The following RNF32 variants were observed in gnomAD, a reference collection of about 807,000 sequenced individuals.
RNF32 encodes ring finger protein 32.
RNF32 carries 36 observed loss-of-function variants against 41.0 expected under a neutral mutation model. The observed-to-expected ratio is 0.88, with a 90% CI of 0.67 to 1.16. The LOEUF (loss-of-function observed/expected upper bound fraction) is 1.16. RNF32 is among the 50% of genes most tolerant of loss of function. The pLI is 0.00. For synonymous variants in RNF32, 154 were observed against 160.9 expected (o/e 0.96, Z 0.32); for missense variants, 413 against 436.7 (o/e 0.95, Z 0.48).
chr7:156,672,295 G>A (rs924925494), intron 7 of RNF32, among the ~76,000 whole-genome samples: 3 of 152,110 alleles, frequency 2.0e-5, no homozygotes, highest in Middle Eastern at 3.2e-3. Context: ...AGGGTGTGAC[G>A]ACGACAGGTG....
chr7:156,667,866 A>C (rs149645435), intron 7 of RNF32, among the ~76,000 whole-genome samples: 2,604 of 152,276 alleles, frequency 0.017, 72 homozygotes, highest in African/African-American at 0.06. Flanking sequence ...AAGGACTTTC[A>C]GTATATTTAT....
Position 156,649,495 on chromosome 7 carries a change from C to T in RNF32, c.274+4738C>T, listed in dbSNP as rs1267814047. Among the ~76,000 whole-genome samples, 5 of 152,138 alleles carry T rather than the reference C, an allele frequency of 3.3e-5. No individual in the cohort carries two copies. The East Asian group carries it at 5.8e-4, about 18-fold the overall frequency. ...ATTTCTGTCTCGTTCCTTAGCCTAA[C>T]ACGTTTCATTTACTTACTTATGTGA... On this transcript the variant is annotated intron_variant, in intron 3 of 8. Transcript: ENST00000317955.
At chr7:156,666,869 T>C (rs1211058570) in intron 7 of RNF32, among the ~76,000 whole-genome samples, 46 of 152,190 alleles carry the variant, frequency 3.0e-4, no homozygotes, top group Admixed American at 3.0e-3. Flanking sequence ...CTTTTATTGC[T>C]GCAATTAAAA....
chr7:156,645,326 C>T (rs561756275), intron 3 of RNF32, among the ~76,000 whole-genome samples: 5 of 152,284 alleles, frequency 3.3e-5, no homozygotes, highest in South Asian at 2.1e-4. Flanking sequence ...CAGTAACGCA[C>T]GGGCCAGCAT....
intron 6 of RNF32, 35 bp from the exon 7 acceptor site, chr7:156,658,427 C>A: frequency 1.3e-6 from 2 of 1,560,542 alleles, no homozygotes; most frequent in South Asian, 1.1e-5. Flanking sequence ...ATAGAGTCAT[C>A]ATAAATTAGT....
At chr7:156,667,402 A>G (rs1801502170) in intron 7 of RNF32, among the ~76,000 whole-genome samples, 1 of 152,236 alleles carries the variant, frequency 6.6e-6, no homozygotes. Flanking sequence ...TTACATATCA[A>G]TAACTCAAAC....
At chr7:156,656,206 G>A (rs996412966) in intron 4 of RNF32, among the ~76,000 whole-genome samples, 7 of 152,190 alleles carry the variant, frequency 4.6e-5, no homozygotes, top group Admixed American at 2.6e-4. Flanking sequence ...ATAGTAGGCC[G>A]ACGCAGAAAG....
At chr7:156,658,706 T>C in intron 7 of RNF32, 136 bp downstream of exon 7, 1 of 760,978 alleles carries the variant, frequency 1.3e-6, no homozygotes, top group Non-Finnish European at 2.2e-6. Flanking sequence ...GGTGAGATGC[T>C]GCTAAAAATC....
chr7:156,646,649 A>G lies in RNF32; in HGVS notation c.274+1892A>G, dbSNP rs1798002539. On this transcript the variant is annotated intron_variant, in intron 3 of 8. Transcript: ENST00000317955. The stretch of plus-strand genomic sequence containing the variant: ...AGAACTTCCATTTAGATTAGGCATC[A>G]ATGAGAACGGAATCCTTCACTTACA... The G allele has an allele frequency of 6.5e-6, 3 of 461,396 alleles. No homozygotes were observed. The East Asian group carries it at 2.2e-4, about 34-fold the overall frequency. 28.6% of individuals were successfully genotyped at this position (461,396 alleles called of 1,614,324 possible).
At chr7:156,665,674 ACTCT>A (rs1175850307) in intron 7 of RNF32, among the ~76,000 whole-genome samples, 3 of 151,852 alleles carry the variant, frequency 2.0e-5, no homozygotes, top group Non-Finnish European at 4.4e-5. Flanking sequence ...AGCTCCCCTG[ACTCT>A]CTGTCAGTGG....
chr7:156,658,612 C>A, intron 7 of RNF32, 42 bp downstream of exon 7: 1 of 1,335,068 alleles, frequency 7.5e-7, no homozygotes, highest in Non-Finnish European at 1.1e-6. Flanking sequence ...GGTCTCCGTG[C>A]GGGTGGTTCA....
chr7:156,648,079 A>T (rs1445706815), intron 3 of RNF32, among the ~76,000 whole-genome samples: 1 of 150,024 alleles, frequency 6.7e-6, no homozygotes, highest in Non-Finnish European at 1.5e-5. Context: ...GGTTCTGGAT[A>T]CTAGTCCTTT....
rs1250607006 is a variant in RNF32 at position 156,658,294 on chromosome 7, C to T, written c.575+42C>T. On this transcript the variant is annotated intron_variant, in intron 6 of 8. Transcript: ENST00000317955. ...CGTTTGGCGCTAAGCAGACACAGAT[C>T]AGGCTATGACAACTAACTTGTTTTT... 4.4e-6 allele frequency: 7 copies of T among 1,594,264 alleles called. No homozygotes were observed. The Admixed American group carries it at 1.1e-4, about 25-fold the overall frequency.
chr7:156,648,266 G>A (rs1445649602), intron 3 of RNF32, among the ~76,000 whole-genome samples: 1 of 152,198 alleles, frequency 6.6e-6, no homozygotes, highest in Non-Finnish European at 1.5e-5. Context: ...GTGTGTTGGA[G>A]TCACACAAGG....
chr7:156,676,276 G>A (rs1411902068), intron 8 of RNF32, 143 bp from the exon 9 acceptor site: 2 of 1,557,634 alleles, frequency 1.3e-6, no homozygotes, highest in Admixed American at 3.8e-5. Context: ...TAAATAAAAT[G>A]CATGTGATTT....
chr7:156,676,519 C>T lies in RNF32; in HGVS notation c.953C>T (p.Ala318Val), dbSNP rs138232684. ...GCAGGCAGGCGTTCCAGAGAGATGG[C>T]CCTCCTGTCCTGCTCACATGTGTTC... ...VGAGRRSREM[A>V]LLSCSHVFHH... Residue 318 changes from alanine (A) to valine (V), a missense_variant, in exon 9 of 9, where the codon GCC (alanine) becomes GTC (valine). Transcript: ENST00000317955. 2.4e-5 allele frequency: 38 copies of T among 1,613,914 alleles called. No individual in the cohort carries two copies. Among genetic ancestry groups the T allele is most frequent in the African/African-American group, 2.1e-4 (16 of 74,944 alleles).
rs528823133 is a variant in RNF32 at position 156,664,159 on chromosome 7, G to C, written c.684+5589G>C. On this transcript the variant is annotated intron_variant, in intron 7 of 8. Coordinates refer to ENST00000317955, the MANE Select transcript of RNF32 (RefSeq NM_030936.4). ...CCGTGGCTTTTACAACGTTCTGAAGGCTATAGAAAAACATTGCAAGGGCCG... is the reference window on the plus strand; with the variant it reads ...CCGTGGCTTTTACAACGTTCTGAAGCCTATAGAAAAACATTGCAAGGGCCG... Among the ~76,000 whole-genome samples the C allele has an allele frequency of 1.4e-4, 22 of 152,318 alleles. No homozygotes were observed. In the South Asian group the frequency reaches 4.6e-3, roughly 32 times the overall value.
At chr7:156,657,516 C>G in intron 4 of RNF32, 25 bp from the exon 5 acceptor site, 4 of 1,613,398 alleles carry the variant, frequency 2.5e-6, no homozygotes, top group Non-Finnish European at 3.4e-6. Flanking sequence ...TAAACTTCAA[C>G]GTCGTTCTGT....
intron 3 of RNF32, among the ~76,000 whole-genome samples, chr7:156,653,416 G>C (rs939157137): frequency 1.3e-5 from 2 of 152,096 alleles, no homozygotes; most frequent in Admixed American, 6.5e-5. Context: ...AACAACAATC[G>C]CCTGTTGTTA....
Sources: allele counts gnomAD v4.1 joint callset (sites outside exome capture counted in the v4.1 genomes callset), GRCh38; gene constraint gnomAD v4.1.1; transcripts MANE v1.5; gene names NCBI Gene and HGNC (gene_info 2026-07-23, HGNC 2026-07-21).